Variants in PALLD observed in about 807,000 individuals in gnomAD.
The protein encoded by PALLD is palladin, cytoskeletal associated protein.
Under a neutral mutation model 123.5 loss-of-function variants are expected in PALLD, and 61 were observed. That is an observed-to-expected ratio of 0.49 (90% CI 0.40 to 0.61). PALLD has a LOEUF of 0.61. Among genes scored for constraint, PALLD ranks in the 20% least tolerant of loss-of-function variants. The pLI, the probability that PALLD is intolerant of heterozygous loss-of-function variation, is 0.00. For missense variants in PALLD, 1,273 were observed against 1,377.0 expected (o/e 0.92, Z 1.20); for synonymous variants, 465 against 496.4 (o/e 0.94, Z 0.84).
intron 2 of PALLD, among the ~76,000 whole-genome samples, chr4:168,622,893 G>A (rs1232716594): frequency 6.6e-6 from 1 of 152,206 alleles, no homozygotes; most frequent in Non-Finnish European, 1.5e-5. Context: ...CCAAAGAAAT[G>A]AGGATCCCTT....
chr4:168,923,558 G>A (rs998878509), intron 18 of PALLD, among the ~76,000 whole-genome samples: 4 of 150,484 alleles, frequency 2.7e-5, no homozygotes, highest in Non-Finnish European at 5.9e-5. Flanking sequence ...AATCAGTCCT[G>A]AATTTTTCAG....
In PALLD at chr4:168,550,835, A is replaced by G. The variant is rs115994199; in HGVS notation, c.908+38423A>G. On this transcript the variant is annotated intron_variant, in intron 2 of 21. Transcript: ENST00000505667. ...CAGTTTGATACTCTGCCCCCAATCC[A>G]TGTTCTTTCATTGAACTGTAATGTT... is the stretch of plus-strand genomic sequence containing the variant. 9.4e-3 allele frequency among the ~76,000 whole-genome samples: 1,434 copies of G among 152,274 alleles called. 11 individuals are homozygous for G. Among genetic ancestry groups the G allele is most frequent in the Non-Finnish European group, 0.013 (877 of 68,018 alleles).
intron 2 of PALLD, among the ~76,000 whole-genome samples, chr4:168,528,862 C>T (rs556840356): frequency 2.2e-4 from 33 of 152,128 alleles, no homozygotes; most frequent in Admixed American, 4.6e-4. Flanking sequence ...ATTTTTTTCA[C>T]GTCTGTTATC....
chr4:168,880,622 A>G (rs777974135), intron 10 of PALLD, among the ~76,000 whole-genome samples: 2 of 152,268 alleles, frequency 1.3e-5, no homozygotes, highest in Non-Finnish European at 2.9e-5. Flanking sequence ...TTTGTTTACC[A>G]TAATAATCCA....
intron 2 of PALLD, among the ~76,000 whole-genome samples, chr4:168,626,400 C>CAAA (rs374572213): frequency 0.013 from 1,291 of 98,726 alleles, 23 homozygotes; most frequent in African/African-American, 0.049. Context: ...GACTCCATCT[C>CAAA]AAAAAAAAAA....
chr4:168,903,991 A>C, intron 15 of PALLD, 85 bp downstream of exon 15: 1 of 1,267,796 alleles, frequency 7.9e-7, no homozygotes, highest in Non-Finnish European at 1.2e-6. Context: ...TTAAAAGGTG[A>C]AGTTAAGAAG....
intron 8 of PALLD, among the ~76,000 whole-genome samples, chr4:168,703,919 TCCCATG>T (rs1262368076): frequency 2.8e-4 from 42 of 152,014 alleles, no homozygotes; most frequent in Non-Finnish European, 5.4e-4. Context: ...TTTAATTAGA[TCCCATG>T]TGTCAATTTT....
chr4:168,855,341 G>A (rs983067567), intron 10 of PALLD, among the ~76,000 whole-genome samples: 2 of 152,082 alleles, frequency 1.3e-5, no homozygotes, highest in African/African-American at 2.4e-5. Flanking sequence ...CACCCGCCTC[G>A]GCCTCCCAGA....
intron 10 of PALLD, among the ~76,000 whole-genome samples, chr4:168,885,099 C>A (rs1753155959): frequency 6.6e-6 from 1 of 152,172 alleles, no homozygotes; most frequent in Non-Finnish European, 1.5e-5. Flanking sequence ...CTCTGAATTT[C>A]TTCTTCTTCT....
intron 10 of PALLD, among the ~76,000 whole-genome samples, chr4:168,715,539 T>C (rs1785265794): frequency 6.6e-6 from 1 of 152,260 alleles, no homozygotes; most frequent in Non-Finnish European, 1.5e-5. Flanking sequence ...ACCTAACTTA[T>C]ACACTATTCT....
At chr4:168,803,418 A>C (rs907004192) in intron 10 of PALLD, among the ~76,000 whole-genome samples, 1 of 152,166 alleles carries the variant, frequency 6.6e-6, no homozygotes, top group Non-Finnish European at 1.5e-5. Context: ...TAAAAGTTGA[A>C]AAAAATTTTA....
At chr4:168,655,918 G>A (rs536612042) in intron 2 of PALLD, among the ~76,000 whole-genome samples, 6 of 152,288 alleles carry the variant, frequency 3.9e-5, no homozygotes, top group African/African-American at 9.6e-5. Flanking sequence ...ACTGTTTTAC[G>A]TGGGTTTCTG....
At chr4:168,618,054 A>G (rs972909865) in intron 2 of PALLD, among the ~76,000 whole-genome samples, 1 of 152,210 alleles carries the variant, frequency 6.6e-6, no homozygotes, top group African/African-American at 2.4e-5. Context: ...GAAAGAAAAT[A>G]AAGTAACACC....
intron 2 of PALLD, among the ~76,000 whole-genome samples, chr4:168,607,511 A>G (rs1773305519): frequency 6.6e-6 from 1 of 152,190 alleles, no homozygotes; most frequent in Admixed American, 6.5e-5. Flanking sequence ...AGGCTTTGAT[A>G]GTTATATATC....
chr4:168,727,241 C>G (rs1011037817), intron 10 of PALLD, among the ~76,000 whole-genome samples: 3 of 152,158 alleles, frequency 2.0e-5, no homozygotes, highest in African/African-American at 7.2e-5. Flanking sequence ...GGTATATACC[C>G]AGTAGTGGGA....
chr4:168,863,485 C>T (rs374176475), intron 10 of PALLD, among the ~76,000 whole-genome samples: 207 of 152,288 alleles, frequency 1.4e-3, no homozygotes, highest in Middle Eastern at 6.8e-3. Context: ...CCACCAAGGG[C>T]GGAGACAGGC....
chr4:168,815,240 C>A (rs751620289), intron 10 of PALLD, among the ~76,000 whole-genome samples: 5 of 152,194 alleles, frequency 3.3e-5, no homozygotes, highest in Non-Finnish European at 7.3e-5. Flanking sequence ...GCATCATTTT[C>A]TTTTAGCAGA....
intron 10 of PALLD, among the ~76,000 whole-genome samples, chr4:168,785,858 T>G (rs1417140693): frequency 3.7e-5 from 5 of 133,352 alleles, no homozygotes; most frequent in African/African-American, 1.3e-4. Context: ...TATATATATA[T>G]ATATATATAT....
chr4:168,839,244 C>T (rs557808298), intron 10 of PALLD, among the ~76,000 whole-genome samples: 9 of 152,256 alleles, frequency 5.9e-5, no homozygotes, highest in East Asian at 5.8e-4. Context: ...TGAGCCACCG[C>T]GACTGGCTAA....
Sources: allele counts gnomAD v4.1 joint callset (sites outside exome capture counted in the v4.1 genomes callset), GRCh38; gene constraint gnomAD v4.1.1; transcripts MANE v1.5; gene names NCBI Gene and HGNC (gene_info 2026-07-23, HGNC 2026-07-21).